Variants in RASGRF2 observed in about 807,000 individuals in gnomAD.
RASGRF2 encodes the protein Ras protein specific guanine nucleotide releasing factor 2.
RASGRF2 carries 76 observed loss-of-function variants against 151.0 expected under a neutral mutation model. The observed-to-expected ratio is 0.50, with a 90% CI of 0.42 to 0.61. The LOEUF is 0.61. Ranked by LOEUF, RASGRF2 falls within the 20% of genes least tolerant of loss-of-function variation. RASGRF2 has a pLI of 0.00. For missense variants in RASGRF2, 1,148 were observed against 1,564.6 expected (o/e 0.73, Z 4.49); for synonymous variants, 504 against 566.5 (o/e 0.89, Z 1.57).
intron 17 of RASGRF2, among the ~76,000 whole-genome samples, chr5:81,136,548 C>A (rs1753758676): frequency 6.6e-6 from 1 of 152,098 alleles, no homozygotes; most frequent in Admixed American, 6.6e-5. Context: ...TCAAGAACTT[C>A]TCTTTATCTT....
At chr5:81,060,235 T>G (rs1190559148) in intron 2 of RASGRF2, among the ~76,000 whole-genome samples, 1 of 151,964 alleles carries the variant, frequency 6.6e-6, no homozygotes, top group African/African-American at 2.4e-5. Context: ...GTGACACAGA[T>G]CTAAACCATA....
At chr5:81,225,116 G>C (rs1461607723) in intron 26 of RASGRF2, among the ~76,000 whole-genome samples, 1 of 152,036 alleles carries the variant, frequency 6.6e-6, no homozygotes, top group Non-Finnish European at 1.5e-5. Context: ...ATCTACCCTA[G>C]CCTAGCAGAG....
rs1050358447 is a variant in RASGRF2 at position 81,207,659 on chromosome 5, G to A, written c.3071+310G>A. Among the ~76,000 whole-genome samples the A allele has an allele frequency of 3.3e-5, 5 of 152,352 alleles. No homozygotes were observed. In the South Asian group the frequency reaches 6.2e-4, roughly 19 times the overall value. On this transcript the variant is annotated intron_variant, in intron 21 of 26. Transcript: ENST00000265080. ...GTATGCTGCATCTCACTTGTCCCTT[G>A]TTTCTTGCTGTGTCTGGTGACCTGC...
At chr5:81,159,849 G>A (rs1448860212) in intron 17 of RASGRF2, among the ~76,000 whole-genome samples, 1 of 152,172 alleles carries the variant, frequency 6.6e-6, no homozygotes, top group African/African-American at 2.4e-5. Context: ...TTAGTGACTA[G>A]TGTCCATGCT....
At position 81,142,628 on chromosome 5, in the gene RASGRF2, G is replaced by A. The variant is rs371649079; in HGVS notation, c.2686+15465G>A. Among the ~76,000 whole-genome samples the A allele has an allele frequency of 7.9e-5, 12 of 152,004 alleles. No homozygotes were observed. In the South Asian group the frequency reaches 2.5e-3, roughly 32 times the overall value. Reference sequence around the variant, plus strand: ...ATCATGCTGTCTTTTTACCTTGCTAGGTTCTCACCTTTTGGAATTCTGCTC... The same window carrying A: ...ATCATGCTGTCTTTTTACCTTGCTAAGTTCTCACCTTTTGGAATTCTGCTC... On this transcript the variant is annotated intron_variant, in intron 17 of 26. Transcript: ENST00000265080.
At chr5:81,045,915 A>G (rs991183060) in intron 2 of RASGRF2, among the ~76,000 whole-genome samples, 1 of 152,210 alleles carries the variant, frequency 6.6e-6, no homozygotes, top group African/African-American at 2.4e-5. Flanking sequence ...AAGAATTATC[A>G]GCCATTTTTG....
chr5:81,093,187 C>T (rs1366850449), intron 10 of RASGRF2, among the ~76,000 whole-genome samples: 2 of 152,116 alleles, frequency 1.3e-5, no homozygotes, highest in Non-Finnish European at 2.9e-5. Context: ...TAAAGAAATA[C>T]AATTAAAATC....
rs550382030 is a variant in RASGRF2 at position 81,211,168 on chromosome 5, A to T, written c.3157-1198A>T. On this transcript the variant is annotated intron_variant, in intron 22 of 26. Transcript: ENST00000265080. Reference sequence around the variant, plus strand: ...CCAGAAAAAAAAAAAAAAAAGACTCAGTGCAGGCGTGACCTCTTCCTAGAA... The same window carrying T: ...CCAGAAAAAAAAAAAAAAAAGACTCTGTGCAGGCGTGACCTCTTCCTAGAA... Among the ~76,000 whole-genome samples the T allele has an allele frequency of 1.5e-3, 220 of 147,206 alleles. 1 individual carries two copies. The highest frequency in any genetic ancestry group is 5.3e-3 in the African/African-American group (211 of 40,144).
intron 2 of RASGRF2, among the ~76,000 whole-genome samples, chr5:81,055,992 A>G (rs1316749023): frequency 6.6e-6 from 1 of 151,620 alleles, no homozygotes; most frequent in Admixed American, 6.6e-5. Flanking sequence ...ATCATTTTTT[A>G]TTGTGTCTAT....
At chr5:81,014,037 T>A (rs748172570) in intron 1 of RASGRF2, among the ~76,000 whole-genome samples, 7 of 152,336 alleles carry the variant, frequency 4.6e-5, no homozygotes, top group African/African-American at 1.2e-4. Flanking sequence ...GTCTTTTTTT[T>A]ATTGATTATA....
chr5:80,972,770 G>A (rs557486755), intron 1 of RASGRF2, among the ~76,000 whole-genome samples: 78 of 152,266 alleles, frequency 5.1e-4, no homozygotes, highest in African/African-American at 1.7e-3. Context: ...GTGAGCCACC[G>A]CACCAGCCTG....
chr5:81,212,513 A>G lies in RASGRF2; in HGVS notation c.3304A>G (p.Arg1102Gly). The change falls in exon 23 of 27, where the codon AGA becomes GGA. Residue 1102 changes from arginine (R) to glycine (G), a missense_variant. By Grantham distance (125) the Arg-to-Gly change is moderately radical. Around this residue, in one of 5 missense-constraint regions of RASGRF2, gnomAD observed 5 missense variants for 28.1 expected, o/e 0.18. Transcript: ENST00000265080. ...GVLEITSALN[R>G]SAIYRLKKTW... ...GCTGGAGATCACCTCGGCCTTAAAC[A>G]GAAGTGCCATCTACAGGCTGAAGAA... 6.2e-7 allele frequency: 1 copy of G among 1,613,440 alleles called. No individual in the cohort carries two copies. Among genetic ancestry groups the G allele is most frequent in the Non-Finnish European group, 8.5e-7 (1 of 1,179,720 alleles).
At chr5:81,031,015 A>G (rs190061280) in intron 1 of RASGRF2, among the ~76,000 whole-genome samples, 3 of 152,358 alleles carry the variant, frequency 2.0e-5, no homozygotes, top group African/African-American at 7.2e-5. Flanking sequence ...CTCTGATAAA[A>G]CAGACTTTAA....
At chr5:81,150,646 A>G (rs1158842125) in intron 17 of RASGRF2, among the ~76,000 whole-genome samples, 1 of 152,168 alleles carries the variant, frequency 6.6e-6, no homozygotes, top group Non-Finnish European at 1.5e-5. Flanking sequence ...ACACACACAC[A>G]CACATACACA....
chr5:81,057,274 G>C (rs1007609812), intron 2 of RASGRF2, among the ~76,000 whole-genome samples: 4 of 152,160 alleles, frequency 2.6e-5, no homozygotes, highest in Admixed American at 6.5e-5. Flanking sequence ...GGTACCAGTT[G>C]TTCCTTTAGT....
intron 1 of RASGRF2, among the ~76,000 whole-genome samples, chr5:80,974,303 G>T (rs530637278): frequency 6.6e-6 from 1 of 152,338 alleles, no homozygotes; most frequent in African/African-American, 2.4e-5. Context: ...TATGCTGTTG[G>T]CAACAACCGA....
intron 1 of RASGRF2, among the ~76,000 whole-genome samples, chr5:80,973,393 G>T (rs1463145212): frequency 6.6e-6 from 1 of 152,290 alleles, no homozygotes; most frequent in Non-Finnish European, 1.5e-5. Context: ...GTGCTGGGTT[G>T]TTGCTCTTCC....
intron 2 of RASGRF2, among the ~76,000 whole-genome samples, chr5:81,045,397 AAG>A (rs1750805036): frequency 6.6e-6 from 1 of 152,216 alleles, no homozygotes; most frequent in Non-Finnish European, 1.5e-5. Context: ...GATTCCAAGT[AAG>A]AAATCTTTTT....
intron 1 of RASGRF2, among the ~76,000 whole-genome samples, chr5:81,011,567 C>A (rs1326417460): frequency 6.6e-6 from 1 of 151,924 alleles, no homozygotes; most frequent in Non-Finnish European, 1.5e-5. Flanking sequence ...CATGGAGAAA[C>A]CCCGTCTCTA....
Sources: gnomAD v4.1 joint callset for allele counts (sites outside exome capture counted in the v4.1 genomes callset) on GRCh38, gnomAD v4.1.1 for gene constraint, gnomAD v4.1.1 regional missense constraint, MANE v1.5 for transcripts, NCBI Gene and HGNC (gene_info 2026-07-23, HGNC 2026-07-21) for gene names.